The following FOXP1 variants were observed in gnomAD, a reference collection of about 807,000 sequenced individuals.
FOXP1 encodes the protein forkhead box P1.
Under a neutral mutation model 98.2 loss-of-function variants are expected in FOXP1, and 15 were observed. The observed-to-expected ratio is 0.15, with a 90% CI of 0.10 to 0.24. The LOEUF is 0.24. Ranked by LOEUF, FOXP1 falls within the 10% of genes least tolerant of loss-of-function variation. FOXP1 has a pLI of 1.00. For synonymous variants in FOXP1, 371 were observed against 314.5 expected, an observed-to-expected ratio of 1.18 and a Z score of -1.90; for missense variants, 633 against 848.5, an observed-to-expected ratio of 0.75 and a Z score of 3.15.
intron 3 of FOXP1, chr3:71,360,775 A>G (rs2078505001): frequency 6.6e-6 from 1 of 152,192 alleles, no homozygotes; most frequent in Non-Finnish European, 1.5e-5. Flanking sequence ...AATTCAGGCA[A>G]TACTTTGTGA....
intron 3 of FOXP1, among the ~76,000 whole-genome samples, chr3:71,485,041 T>G (rs976565185): frequency 2.6e-5 from 4 of 152,224 alleles, no homozygotes; most frequent in African/African-American, 9.6e-5. Context: ...TGTATCTGTA[T>G]TGTCCAGTAA....
rs1468617714 is a variant in FOXP1 at position 71,254,063 on chromosome 3, G to T, written c.-12+45757C>A. The stretch of plus-strand genomic sequence containing the variant: ...CTTCCTGAATTGGTTTTCTAGGGGT[G>T]AACAGTTAATAATCTGTCAACCACA... On this transcript the variant is annotated intron_variant, in intron 5 of 20. Transcript: ENST00000649528. Among the ~76,000 whole-genome samples the T allele has an allele frequency of 2.0e-5, 3 of 152,272 alleles. No individual in the cohort carries two copies. The East Asian group carries it at 5.8e-4, about 29-fold the overall frequency.
rs968199218 is a variant in FOXP1 at position 70,957,536 on chromosome 3, CAAAG to C, written c.*1707_*1710del. The C allele has an allele frequency of 1.6e-4, 38 of 231,100 alleles. No homozygotes were observed. Among genetic ancestry groups the C allele is most frequent in the African/African-American group, 7.3e-4 (33 of 45,210 alleles). 14.3% of individuals were successfully genotyped at this position (231,100 alleles called of 1,614,324 possible). ...CTTTGGTAATTTTAGAAAAAAGGTACAAAGAAAGAATATAAATTAAGCTTCGAAA... is the reference window on the plus strand; with the variant it reads ...CTTTGGTAATTTTAGAAAAAAGGTACAAAGAATATAAATTAAGCTTCGAAA... On this transcript the variant is annotated 3_prime_UTR_variant, in exon 21 of 21. Coordinates refer to ENST00000649528, the MANE Select transcript of FOXP1 (RefSeq NM_001349338.3).
intron 4 of FOXP1, among the ~76,000 whole-genome samples, chr3:71,356,402 A>G (rs1479599112): frequency 6.6e-6 from 1 of 152,064 alleles, no homozygotes; most frequent in Non-Finnish European, 1.5e-5. Context: ...ACAAGGGAAT[A>G]CCAGGTGAGG....
chr3:71,234,012 C>A (rs2066564143), intron 5 of FOXP1, among the ~76,000 whole-genome samples: 2 of 152,054 alleles, frequency 1.3e-5, no homozygotes, highest in South Asian at 2.1e-4. Flanking sequence ...TTTTATACAA[C>A]CCACACTGAC....
intron 7 of FOXP1, among the ~76,000 whole-genome samples, chr3:71,072,919 C>T (rs1207624693): frequency 6.6e-6 from 1 of 152,220 alleles, no homozygotes; most frequent in African/African-American, 2.4e-5. Context: ...CTCACAGAGA[C>T]ATCAGACCCC....
intron 5 of FOXP1, among the ~76,000 whole-genome samples, chr3:71,251,659 G>A (rs1013960190): frequency 3.3e-5 from 5 of 152,208 alleles, no homozygotes; most frequent in Admixed American, 3.3e-4. Flanking sequence ...GTGATATATA[G>A]AGAGCTTAAG....
At chr3:71,441,574 C>G (rs912659036) in intron 3 of FOXP1, among the ~76,000 whole-genome samples, 1 of 152,234 alleles carries the variant, frequency 6.6e-6, no homozygotes, top group Non-Finnish European at 1.5e-5. Flanking sequence ...ACGATGCCCC[C>G]GGCGTCACTA....
rs1436918663 is a variant in FOXP1, at chr3:71,166,899, T to A, written c.180+31303A>T. ...TGAATTGTGTGCATTCCCATCATGC[T>A]CCAGTGTTTTTCCAGCCCCGTAATG... On this transcript the variant is annotated intron_variant, in intron 6 of 20. Coordinates refer to ENST00000649528, the MANE Select transcript of FOXP1 (RefSeq NM_001349338.3). Among the ~76,000 whole-genome samples the A allele has an allele frequency of 2.6e-5, 4 of 152,112 alleles. No homozygotes were observed. In the East Asian group the frequency reaches 7.7e-4, roughly 29 times the overall value.
chr3:71,504,360 C>T (rs191678843), intron 2 of FOXP1, among the ~76,000 whole-genome samples: 51 of 152,276 alleles, frequency 3.3e-4, no homozygotes, highest in African/African-American at 1.1e-3. Context: ...CATACTTCAG[C>T]ATTTAGTTGT....
chr3:71,337,561 T>C (rs1419851785), intron 4 of FOXP1, among the ~76,000 whole-genome samples: 1 of 152,188 alleles, frequency 6.6e-6, no homozygotes, highest in Non-Finnish European at 1.5e-5. Context: ...TATACATATA[T>C]TATCTCAAAT....
intron 3 of FOXP1, among the ~76,000 whole-genome samples, chr3:71,470,900 C>T (rs1446956150): frequency 6.6e-6 from 1 of 152,160 alleles, no homozygotes; most frequent in African/African-American, 2.4e-5. Flanking sequence ...GGTACTTGCA[C>T]CCACGTGACC....
intron 11 of FOXP1, among the ~76,000 whole-genome samples, chr3:71,019,552 G>A (rs1338708033): frequency 6.6e-6 from 1 of 152,054 alleles, no homozygotes; most frequent in Non-Finnish European, 1.5e-5. Context: ...GTTTGAGTTC[G>A]GGGGCGGTGG....
intron 5 of FOXP1, among the ~76,000 whole-genome samples, chr3:71,297,764 C>T (rs545901511): frequency 7.9e-4 from 120 of 151,406 alleles, no homozygotes; most frequent in African/African-American, 2.6e-3. Flanking sequence ...CACAGGTGCC[C>T]GCCACCACAC....
chr3:70,979,310 A>G (rs28398444), intron 14 of FOXP1, among the ~76,000 whole-genome samples: 25 of 147,140 alleles, frequency 1.7e-4, no homozygotes, highest in Non-Finnish European at 1.7e-4. Flanking sequence ...AAAAAAAAAA[A>G]AAAAAAAAAA....
intron 4 of FOXP1, among the ~76,000 whole-genome samples, chr3:71,322,918 C>T (rs929179187): frequency 6.6e-6 from 1 of 152,042 alleles, no homozygotes; most frequent in Non-Finnish European, 1.5e-5. Flanking sequence ...GATGCCAGAG[C>T]CCTTGCCCCA....
At chr3:71,151,913 T>C (rs988710691) in intron 6 of FOXP1, among the ~76,000 whole-genome samples, 2 of 152,106 alleles carry the variant, frequency 1.3e-5, no homozygotes, top group Admixed American at 6.5e-5. Flanking sequence ...CTAATGACCA[T>C]ATGCTTGTAT....
At chr3:71,499,879 T>G (rs1032903762) in intron 2 of FOXP1, among the ~76,000 whole-genome samples, 41 of 152,302 alleles carry the variant, frequency 2.7e-4, no homozygotes, top group African/African-American at 9.6e-4. Flanking sequence ...AAGATGCCAA[T>G]CCACCTCAAT....
intron 2 of FOXP1, chr3:71,542,025 T>C: frequency 1.9e-6 from 1 of 534,150 alleles, no homozygotes; most frequent in South Asian, 1.4e-5. Context: ...GGCTTTCCAA[T>C]ATATAAAATT....
Sources: gnomAD v4.1 joint callset for allele counts (sites outside exome capture counted in the v4.1 genomes callset) on GRCh38, gnomAD v4.1.1 for gene constraint, MANE v1.5 for transcripts, NCBI Gene and HGNC (gene_info 2026-07-23, HGNC 2026-07-21) for gene names.